Variants in TANC2 observed in about 807,000 individuals in gnomAD.
TANC2 encodes protein TANC2.
TANC2 carries 26 observed loss-of-function variants against 210.5 expected under a neutral mutation model. The observed-to-expected ratio is 0.12, with a 90% CI of 0.09 to 0.17. The LOEUF (loss-of-function observed/expected upper bound fraction) is 0.17, where lower values mean the gene tolerates loss of function less well. Among genes scored for constraint, TANC2 ranks in the 10% least tolerant of loss-of-function variants. TANC2 has a pLI of 1.00. For synonymous variants in TANC2, 931 were observed against 967.1 expected (o/e 0.96, Z 0.69); for missense variants, 2,129 against 2,608.9 (o/e 0.82, Z 4.01).
At chr17:63,380,856 T>C (rs772269258) in intron 15 of TANC2, among the ~76,000 whole-genome samples, 2 of 152,220 alleles carry the variant, frequency 1.3e-5, no homozygotes, top group Non-Finnish European at 2.9e-5. Context: ...TGACAAATCT[T>C]GTATTTGAAT....
intron 5 of TANC2, among the ~76,000 whole-genome samples, chr17:63,180,794 C>T (rs765881089): frequency 2.6e-5 from 4 of 151,902 alleles, no homozygotes; most frequent in Non-Finnish European, 5.9e-5. Context: ...GAGGCTGAGG[C>T]GGGTGAATCA....
At chr17:63,350,887 A>C (rs1312691387) in intron 12 of TANC2, among the ~76,000 whole-genome samples, 1 of 152,008 alleles carries the variant, frequency 6.6e-6, no homozygotes, top group East Asian at 1.9e-4. Context: ...AAAAAAAAAA[A>C]AAAAAAACAG....
chr17:63,358,456 T>A (rs2046855508), intron 14 of TANC2, among the ~76,000 whole-genome samples: 1 of 150,286 alleles, frequency 6.7e-6, no homozygotes, highest in African/African-American at 2.5e-5. Flanking sequence ...CACTGAAGAA[T>A]CTTTTAGATT....
chr17:63,211,607 T>C (rs2041887683), intron 7 of TANC2, among the ~76,000 whole-genome samples: 2 of 152,158 alleles, frequency 1.3e-5, no homozygotes, highest in Non-Finnish European at 1.5e-5. Flanking sequence ...CAGGACATAT[T>C]ATTACTCCAC....
At chr17:63,275,786 TG>T (rs1363077429) in intron 9 of TANC2, among the ~76,000 whole-genome samples, 2 of 152,156 alleles carry the variant, frequency 1.3e-5, no homozygotes, top group Non-Finnish European at 2.9e-5. Flanking sequence ...TGTATGAGGT[TG>T]TTCCCCTCAC....
intron 21 of TANC2, among the ~76,000 whole-genome samples, chr17:63,409,587 C>T (rs1255330754): frequency 2.0e-5 from 3 of 152,098 alleles, no homozygotes; most frequent in African/African-American, 7.2e-5. Context: ...AGAATTGTGT[C>T]CTTAGGTGAT....
chr17:63,035,218 G>A (rs979512397), intron 2 of TANC2, among the ~76,000 whole-genome samples: 2 of 152,118 alleles, frequency 1.3e-5, no homozygotes, highest in African/African-American at 2.4e-5. Flanking sequence ...CTTGCTGAAG[G>A]CTCAGATGAT....
At chr17:62,967,495 A>T (rs2031416802) in intron 1 of TANC2, 1 of 152,212 alleles carries the variant, frequency 6.6e-6, no homozygotes, top group South Asian at 2.1e-4. Context: ...AACAATGATA[A>T]TTAACATTAG....
chr17:63,216,074 G>T (rs190427057), intron 7 of TANC2, among the ~76,000 whole-genome samples: 104 of 150,108 alleles, frequency 6.9e-4, no homozygotes, highest in Non-Finnish European at 1.2e-3. Context: ...TTTGAGACAC[G>T]GTCTTGCTCT....
intron 2 of TANC2, among the ~76,000 whole-genome samples, chr17:63,016,263 T>A (rs988394203): frequency 3.8e-4 from 58 of 152,328 alleles, no homozygotes; most frequent in African/African-American, 1.3e-3. Context: ...AAGTATTTTA[T>A]AAAATGGTAT....
intron 1 of TANC2, among the ~76,000 whole-genome samples, chr17:63,007,643 G>A (rs2033679267): frequency 6.6e-6 from 1 of 151,986 alleles, no homozygotes; most frequent in African/African-American, 2.4e-5. Flanking sequence ...TTGAGTTATT[G>A]AAGTCTAACA....
chr17:63,141,527 C>T (rs1289429220), intron 4 of TANC2, among the ~76,000 whole-genome samples: 1 of 150,656 alleles, frequency 6.6e-6, no homozygotes, highest in Non-Finnish European at 1.5e-5. Flanking sequence ...GATTGTGCCA[C>T]TGCACTTCAG....
chr17:63,002,097 A>G lies in TANC2; in HGVS notation c.-23-7440A>G, dbSNP rs1377888387. 3.3e-5 allele frequency among the ~76,000 whole-genome samples: 5 copies of G among 152,206 alleles called. No individual in the cohort carries two copies. In the South Asian group the frequency reaches 6.2e-4, roughly 19 times the overall value. On this transcript the variant is annotated intron_variant, in intron 1 of 27. Transcript: ENST00000689528. ...GAGGTAAGTATTTGGGGAAGAACAC[A>G]TAAGAAGTTATGGGTGACGGTTTTG...
intron 9 of TANC2, among the ~76,000 whole-genome samples, chr17:63,309,017 GT>G (rs1163240440): frequency 2.8e-4 from 42 of 151,830 alleles, no homozygotes; most frequent in African/African-American, 1.0e-3. Context: ...TTATTCTACT[GT>G]TTTACTAAAT....
intron 14 of TANC2, among the ~76,000 whole-genome samples, chr17:63,367,637 A>G (rs963752092): frequency 2.0e-5 from 3 of 152,218 alleles, no homozygotes; most frequent in South Asian, 2.1e-4. Flanking sequence ...GCCTGGAAGT[A>G]TGGGTTGAAT....
intron 8 of TANC2, among the ~76,000 whole-genome samples, chr17:63,255,367 C>T (rs1436593619): frequency 4.6e-5 from 7 of 152,168 alleles, no homozygotes; most frequent in Admixed American, 4.6e-4. Flanking sequence ...GCTGGGATTA[C>T]AGGCGTGAGC....
intron 1 of TANC2, among the ~76,000 whole-genome samples, chr17:62,993,979 T>C (rs2032989802): frequency 6.6e-6 from 1 of 152,212 alleles, no homozygotes; most frequent in African/African-American, 2.4e-5. Flanking sequence ...TCCTGCCAAT[T>C]TGCTGAATTC....
At chr17:63,255,700 T>C (rs757276820) in intron 8 of TANC2, among the ~76,000 whole-genome samples, 15 of 152,104 alleles carry the variant, frequency 9.9e-5, no homozygotes, top group African/African-American at 1.4e-4. Context: ...GTCTTCTCTC[T>C]TTTTTTCTTA....
At chr17:63,118,210 A>T (rs1453156333) in intron 4 of TANC2, among the ~76,000 whole-genome samples, 2 of 152,204 alleles carry the variant, frequency 1.3e-5, no homozygotes, top group African/African-American at 4.8e-5. Flanking sequence ...CATTCTTGTT[A>T]TTTCATTAAC....
Sources: gnomAD v4.1 joint callset for allele counts (sites outside exome capture counted in the v4.1 genomes callset) on GRCh38, gnomAD v4.1.1 for gene constraint, MANE v1.5 for transcripts, NCBI Gene and HGNC (gene_info 2026-07-23, HGNC 2026-07-21) for gene names.